CRACD: variants seen among roughly 807,000 people sequenced by gnomAD.
CRACD encodes capping protein inhibiting regulator of actin dynamics.
A neutral mutation model predicts 106.8 loss-of-function variants in CRACD; 56 were observed. That is an observed-to-expected ratio of 0.52 (90% CI 0.42 to 0.66). CRACD has a LOEUF of 0.66. CRACD is among the 30% of genes least tolerant of loss of function. The pLI is 0.00. For missense variants in CRACD, 1,730 were observed against 1,623.2 expected (o/e 1.07, Z -1.13); for synonymous variants, 754 against 670.8 (o/e 1.12, Z -1.92).
At chr4:56,170,761 C>T (rs531501350) in intron 1 of CRACD, among the ~76,000 whole-genome samples, 3 of 152,212 alleles carry the variant, frequency 2.0e-5, no homozygotes, top group South Asian at 2.1e-4. Flanking sequence ...ATCGCTTGAG[C>T]CCAGGAGCTC....
intron 1 of CRACD, among the ~76,000 whole-genome samples, chr4:56,086,406 A>G (rs1733221361): frequency 6.6e-6 from 1 of 152,172 alleles, no homozygotes; most frequent in Non-Finnish European, 1.5e-5. Flanking sequence ...GGCTCCTAAA[A>G]GTGTTGGGAT....
chr4:56,255,391 T>C (rs1341989211), intron 2 of CRACD, among the ~76,000 whole-genome samples: 1 of 152,132 alleles, frequency 6.6e-6, no homozygotes, highest in Non-Finnish European at 1.5e-5. Flanking sequence ...TGCTCTCAAT[T>C]TAATGAAGGC....
intron 1 of CRACD, among the ~76,000 whole-genome samples, chr4:56,164,862 G>A (rs1464974934): frequency 6.6e-6 from 1 of 152,170 alleles, no homozygotes; most frequent in African/African-American, 2.4e-5. Flanking sequence ...CGACCTAAAA[G>A]GTTCTAATAA....
chr4:56,101,487 G>T (rs979737460), intron 1 of CRACD, among the ~76,000 whole-genome samples: 36 of 152,152 alleles, frequency 2.4e-4, no homozygotes, highest in African/African-American at 8.2e-4. Context: ...TGTTGGCCGG[G>T]TGCAGTGGCT....
chr4:56,094,875 T>C (rs1014099898), intron 1 of CRACD, among the ~76,000 whole-genome samples: 7 of 152,222 alleles, frequency 4.6e-5, no homozygotes, highest in Non-Finnish European at 1.0e-4. Context: ...TATTGATACA[T>C]TGTCATCCAT....
intron 1 of CRACD, among the ~76,000 whole-genome samples, chr4:56,166,675 C>A (rs374849015): frequency 0.015 from 1,412 of 92,532 alleles, no homozygotes; most frequent in Admixed American, 0.017. Flanking sequence ...CACTCTGTCT[C>A]AAAAAAAAAA....
intron 1 of CRACD, among the ~76,000 whole-genome samples, chr4:56,097,897 C>T (rs1377560414): frequency 6.6e-6 from 1 of 152,060 alleles, no homozygotes; most frequent in Non-Finnish European, 1.5e-5. Flanking sequence ...AAAGAATTAT[C>T]TCTTTGGTGT....
At chr4:56,252,322 G>C (rs932799875) in intron 2 of CRACD, among the ~76,000 whole-genome samples, 3 of 152,070 alleles carry the variant, frequency 2.0e-5, no homozygotes, top group Admixed American at 6.6e-5. Flanking sequence ...GAACGCCTAG[G>C]TACACATAAC....
chr4:56,314,583 C>CAGG lies in CRACD; in HGVS notation c.1094_1096dup (p.Glu365dup), dbSNP rs777544202. 14 of 1,518,334 alleles carry CAGG rather than the reference C, an allele frequency of 9.2e-6. No individual in the cohort carries two copies. Among genetic ancestry groups the CAGG allele is most frequent in the South Asian group, 5.1e-5 (4 of 78,992 alleles). The allele number at this position is 1,518,334 out of a possible 1,614,324, so 94.1% of individuals were successfully genotyped here. ...AAGATGCGCGGAGGAGCTCAAAAGG[C>CAGG]AGGAGGAGGAGGAGGCTGAGGGATG... On this transcript the variant is annotated inframe_insertion, in exon 8 of 11. Transcript: ENST00000682029. This position sits in a 1 kb window ranked among gnomAD's most constrained non-coding sequence, Gnocchi z 4.4.
At chr4:56,271,243 G>T (rs1742333554) in intron 2 of CRACD, among the ~76,000 whole-genome samples, 1 of 152,018 alleles carries the variant, frequency 6.6e-6, no homozygotes, top group Non-Finnish European at 1.5e-5. Flanking sequence ...TCTTTTCCAA[G>T]GAAAGAGTGG....
At chr4:56,074,445 G>A (rs1205376590) in intron 1 of CRACD, among the ~76,000 whole-genome samples, 1 of 152,074 alleles carries the variant, frequency 6.6e-6, no homozygotes, top group Non-Finnish European at 1.5e-5. Flanking sequence ...TCTCTTTGTA[G>A]CAGTTGTGAA....
At position 56,084,779 on chromosome 4, in the gene CRACD, A is replaced by G. The variant is rs886533751; in HGVS notation, c.-336+35480A>G. Among the ~76,000 whole-genome samples, 7 of 152,340 alleles carry G rather than the reference A, an allele frequency of 4.6e-5. No individual in the cohort carries two copies. The East Asian group carries it at 7.7e-4, about 17-fold the overall frequency. ...TGATCATTCAAAGTAGAGAGCTAAC[A>G]TGGAGAATAGTCTGGTTAGTGTGGG... On this transcript the variant is annotated intron_variant, in intron 1 of 10. Transcript: ENST00000682029.
At chr4:56,285,683 C>A (rs1385826899) in intron 3 of CRACD, among the ~76,000 whole-genome samples, 1 of 152,152 alleles carries the variant, frequency 6.6e-6, no homozygotes, top group Non-Finnish European at 1.5e-5. Flanking sequence ...TGACCTCAAG[C>A]CATCCTCCCG....
At chr4:56,299,281 A>C (rs1744229329) in intron 4 of CRACD, among the ~76,000 whole-genome samples, 2 of 152,116 alleles carry the variant, frequency 1.3e-5, no homozygotes, top group Non-Finnish European at 2.9e-5. Context: ...TATTCACTAC[A>C]TATGATTGAA....
At chr4:56,186,427 G>A (rs889616116) in intron 2 of CRACD, among the ~76,000 whole-genome samples, 1 of 152,134 alleles carries the variant, frequency 6.6e-6, no homozygotes, top group African/African-American at 2.4e-5. Flanking sequence ...TGCTAGGGAG[G>A]ACTGAATCAT....
intron 1 of CRACD, among the ~76,000 whole-genome samples, chr4:56,098,835 C>T (rs889641490): frequency 3.9e-5 from 6 of 152,036 alleles, no homozygotes; most frequent in South Asian, 2.1e-4. Flanking sequence ...CCACCACGCC[C>T]GGCTAATTTT....
At chr4:56,118,875 A>G (rs1033688796) in intron 1 of CRACD, among the ~76,000 whole-genome samples, 2 of 152,206 alleles carry the variant, frequency 1.3e-5, no homozygotes, top group African/African-American at 4.8e-5. Context: ...TGGCAATTCT[A>G]TGTACATATA....
At chr4:56,232,373 A>C (rs1448644662) in intron 2 of CRACD, among the ~76,000 whole-genome samples, 4 of 152,070 alleles carry the variant, frequency 2.6e-5, no homozygotes. Context: ...CATTGTTTGG[A>C]TATACCACAA....
intron 2 of CRACD, among the ~76,000 whole-genome samples, chr4:56,254,367 T>C (rs1741218751): frequency 6.8e-6 from 1 of 147,640 alleles, no homozygotes; most frequent in Non-Finnish European, 1.5e-5. Flanking sequence ...AGAATTTCAT[T>C]AAAAATCTTT....
Sources: gnomAD v4.1 joint callset for allele counts (sites outside exome capture counted in the v4.1 genomes callset) on GRCh38, gnomAD v4.1.1 for gene constraint, Gnocchi (gnomAD v3.1) non-coding constraint, MANE v1.5 for transcripts, NCBI Gene and HGNC (gene_info 2026-07-23, HGNC 2026-07-21) for gene names.